Variants in NFYC observed in about 807,000 individuals in gnomAD.
NFYC encodes the protein CAAT box DNA-binding protein subunit C.
A neutral mutation model predicts 53.1 loss-of-function variants in NFYC; 25 were observed. The ratio of observed to expected loss-of-function variants is 0.47; its 90% CI spans 0.34 to 0.66. NFYC has a LOEUF of 0.66. Among genes scored for constraint, NFYC ranks in the 30% least tolerant of loss-of-function variants. NFYC has a pLI of 0.01. For synonymous variants in NFYC, 145 were observed against 152.6 expected (o/e 0.95, Z 0.37); for missense variants, 260 against 422.7 (o/e 0.62, Z 3.38).
chr1:40,720,232 T>C (rs1644280350), intron 1 of NFYC, among the ~76,000 whole-genome samples: 1 of 152,210 alleles, frequency 6.6e-6, no homozygotes, highest in African/African-American at 2.4e-5. Flanking sequence ...GAGCAGAATC[T>C]AGACAGCAGA....
intron 6 of NFYC, among the ~76,000 whole-genome samples, chr1:40,760,868 A>G (rs1646507615): frequency 1.3e-5 from 2 of 152,236 alleles, no homozygotes. Flanking sequence ...TCACTGGCTC[A>G]AGGCCTCGAC....
chr1:40,733,397 A>G (rs1369150703), intron 1 of NFYC, among the ~76,000 whole-genome samples: 1 of 150,824 alleles, frequency 6.6e-6, no homozygotes, highest in African/African-American at 2.4e-5. Flanking sequence ...TGGTAGGAGG[A>G]TTGCTTGAGC....
At chr1:40,726,419 GT>G (rs1035401177) in intron 1 of NFYC, among the ~76,000 whole-genome samples, 115 of 143,976 alleles carry the variant, frequency 8.0e-4, no homozygotes, top group Middle Eastern at 3.6e-3. Context: ...CATCTGGCCT[GT>G]TTTTTTTTTT....
intron 1 of NFYC, among the ~76,000 whole-genome samples, chr1:40,727,823 G>A (rs900322556): frequency 6.6e-6 from 1 of 152,012 alleles, no homozygotes; most frequent in Admixed American, 6.6e-5. Flanking sequence ...GAGTCACCGC[G>A]CCCAGCCTGC....
In NFYC at chr1:40,713,040, A is replaced by G. The variant is rs77628758; in HGVS notation, c.-9+21173A>G. On this transcript the variant is annotated intron_variant, in intron 1 of 9. Transcript: ENST00000447388. ...TTGTGGGATGAACACTTTAAAAAAA[A>G]ATAATTGATCTCTCATCAGAAATCT... is the stretch of plus-strand genomic sequence containing the variant. 2.1e-3 allele frequency among the ~76,000 whole-genome samples: 327 copies of G among 152,280 alleles called. 1 individual carries two copies. The highest frequency in any genetic ancestry group is 7.7e-3 in the African/African-American group (318 of 41,556).
chr1:40,725,742 G>A (rs1394968335), intron 1 of NFYC, among the ~76,000 whole-genome samples: 2 of 152,086 alleles, frequency 1.3e-5, no homozygotes, highest in Non-Finnish European at 2.9e-5. Flanking sequence ...ACTAACCTCA[G>A]TAAATACCTG....
At chr1:40,702,088 G>C (rs1401492426) in intron 1 of NFYC, among the ~76,000 whole-genome samples, 3 of 152,180 alleles carry the variant, frequency 2.0e-5, no homozygotes, top group Admixed American at 6.5e-5. Context: ...GGACAGCTCT[G>C]AGAGCTGAAG....
chr1:40,738,999 G>T (rs1416373817), intron 2 of NFYC, 51 bp downstream of exon 2: 2 of 1,343,742 alleles, frequency 1.5e-6, no homozygotes, highest in African/African-American at 2.9e-5. Context: ...AGTATAAAGA[G>T]CTCTGGGAAA....
rs780753059 is a variant in NFYC at position 40,770,606 on chromosome 1, G to A, written c.889-103G>A. The A allele has an allele frequency of 5.6e-6, 9 of 1,613,878 alleles. No homozygotes were observed. The highest frequency in any genetic ancestry group is 7.6e-6 in the Non-Finnish European group (9 of 1,179,902). ...CTCCTTCTGACGCCTTGCAGTGGGT[G>A]GTGGTTGAGGTATCTGGGACCCCCA... On this transcript the variant is annotated intron_variant, in intron 9 of 9. Coordinates refer to ENST00000447388, the MANE Select transcript of NFYC (RefSeq NM_014223.5). This position sits in a 1 kb window ranked among gnomAD's most constrained non-coding sequence, Gnocchi z 5.3.
intron 2 of NFYC, among the ~76,000 whole-genome samples, chr1:40,741,701 C>T (rs1165988129): frequency 6.6e-6 from 1 of 151,016 alleles, no homozygotes; most frequent in Non-Finnish European, 1.5e-5. Flanking sequence ...CTCTCAGGCT[C>T]AAGCGATCCT....
chr1:40,728,458 G>T (rs549414669), intron 1 of NFYC, among the ~76,000 whole-genome samples: 2 of 151,782 alleles, frequency 1.3e-5, no homozygotes, highest in African/African-American at 4.8e-5. Flanking sequence ...TTAGCTGGGC[G>T]TGGTGGCGCA....
chr1:40,731,372 A>G (rs933180512), intron 1 of NFYC, among the ~76,000 whole-genome samples: 5 of 151,698 alleles, frequency 3.3e-5, no homozygotes, highest in African/African-American at 1.2e-4. Context: ...ACAGGGTTTT[A>G]CCATGTTGGC....
chr1:40,739,642 C>T (rs939997324), intron 2 of NFYC, among the ~76,000 whole-genome samples: 3 of 152,128 alleles, frequency 2.0e-5, no homozygotes, highest in South Asian at 2.1e-4. Flanking sequence ...TAAATATAAC[C>T]TCGGCCTGTG....
At chr1:40,743,872 G>A (rs2148642848) in intron 2 of NFYC, among the ~76,000 whole-genome samples, 2 of 152,308 alleles carry the variant, frequency 1.3e-5, no homozygotes, top group South Asian at 4.1e-4. Context: ...TGAGTTCCCA[G>A]GTGATACCAT....
At chr1:40,738,051 C>G (rs192575925) in intron 1 of NFYC, among the ~76,000 whole-genome samples, 3,147 of 151,812 alleles carry the variant, frequency 0.021, 43 homozygotes, top group East Asian at 0.032. Context: ...TACAGGCGCC[C>G]GCCACTACGC....
At position 40,747,170 on chromosome 1, in the gene NFYC, G is replaced by T. The variant is rs1423806649; in HGVS notation, c.106-364G>T. Among the ~76,000 whole-genome samples the T allele has an allele frequency of 4.0e-5, 6 of 148,642 alleles. No individual in the cohort carries two copies. The East Asian group carries it at 1.2e-3, about 29-fold the overall frequency. On this transcript the variant is annotated intron_variant, in intron 2 of 9. Transcript: ENST00000447388. ...TGAGACAGAAATCTCATTTTAATCT[G>T]CATATTGCAGACTGGTAAACTTACT... is the stretch of plus-strand genomic sequence containing the variant.
At chr1:40,764,597 CAGA>C (rs1162985742) in intron 7 of NFYC, among the ~76,000 whole-genome samples, 1 of 152,244 alleles carries the variant, frequency 6.6e-6, no homozygotes, top group African/African-American at 2.4e-5. Flanking sequence ...AGCTTTAGCC[CAGA>C]AGATTTGTTG....
At chr1:40,712,096 A>C (rs1643945824) in intron 1 of NFYC, among the ~76,000 whole-genome samples, 1 of 152,228 alleles carries the variant, frequency 6.6e-6, no homozygotes, top group Admixed American at 6.5e-5. Context: ...TTACTAATCC[A>C]GACTATTTGG....
intron 1 of NFYC, among the ~76,000 whole-genome samples, chr1:40,710,338 T>A (rs900981910): frequency 6.6e-5 from 10 of 152,218 alleles, no homozygotes; most frequent in Non-Finnish European, 1.3e-4. Context: ...TTTCCATTTT[T>A]CCGTATTAAA....
Sources: gnomAD v4.1 joint callset for allele counts (sites outside exome capture counted in the v4.1 genomes callset) on GRCh38, gnomAD v4.1.1 for gene constraint, Gnocchi (gnomAD v3.1) non-coding constraint, MANE v1.5 for transcripts, NCBI Gene and HGNC (gene_info 2026-07-23, HGNC 2026-07-21) for gene names.